OSBPL1A: variants seen among roughly 807,000 people sequenced by gnomAD.
OSBPL1A encodes oxysterol binding protein like 1A.
Under a neutral mutation model 137.1 loss-of-function variants are expected in OSBPL1A, and 80 were observed. The observed-to-expected ratio is 0.58, with a 90% CI of 0.49 to 0.70. The LOEUF is 0.70. Ranked by LOEUF, OSBPL1A falls within the 30% of genes least tolerant of loss-of-function variation. The pLI, the probability that OSBPL1A is intolerant of heterozygous loss-of-function variation, is 0.00. For missense variants in OSBPL1A, 970 were observed against 1,129.4 expected (o/e 0.86, Z 2.02); for synonymous variants, 365 against 389.7 (o/e 0.94, Z 0.75).
intron 26 of OSBPL1A, among the ~76,000 whole-genome samples, chr18:24,165,894 C>A (rs559347010): frequency 3.3e-5 from 5 of 152,170 alleles, no homozygotes; most frequent in African/African-American, 9.6e-5. Context: ...TCAGAAGGTC[C>A]AAGACCAACC....
chr18:24,211,360 T>G (rs559415180), intron 17 of OSBPL1A, among the ~76,000 whole-genome samples: 1 of 152,348 alleles, frequency 6.6e-6, no homozygotes, highest in East Asian at 1.9e-4. Flanking sequence ...ATCTTTTAAA[T>G]GTCAGGATTA....
At chr18:24,368,726 C>G (rs1021087133) in intron 2 of OSBPL1A, 15 of 193,960 alleles carry the variant, frequency 7.7e-5, no homozygotes, top group Admixed American at 3.7e-4. Flanking sequence ...ACATAGTTCA[C>G]GACAAGCAAC....
chr18:24,172,600 C>T (rs141909670), intron 21 of OSBPL1A, 117 bp from the exon 22 acceptor site: 24 of 609,946 alleles, frequency 3.9e-5, no homozygotes, highest in Non-Finnish European at 5.0e-5. Flanking sequence ...GAGATAACTA[C>T]GTTCTAAGCC....
chr18:24,281,252 A>G (rs2089951192), intron 14 of OSBPL1A, among the ~76,000 whole-genome samples: 1 of 151,752 alleles, frequency 6.6e-6, no homozygotes, highest in South Asian at 2.1e-4. Context: ...CGCCCAGCTA[A>G]TTTTTGTATT....
chr18:24,325,824 A>G (rs980758500), intron 7 of OSBPL1A, among the ~76,000 whole-genome samples: 1 of 152,210 alleles, frequency 6.6e-6, no homozygotes, highest in African/African-American at 2.4e-5. Context: ...CATTTATCAA[A>G]TCTCTACCTA....
chr18:24,293,980 G>C (rs1274931279), intron 14 of OSBPL1A, among the ~76,000 whole-genome samples: 2 of 152,118 alleles, frequency 1.3e-5, no homozygotes, highest in African/African-American at 4.8e-5. Flanking sequence ...TGGTAAGTTT[G>C]TTTACTCAAA....
At chr18:24,367,665 A>C (rs1259982913) in intron 3 of OSBPL1A, 1 of 150,748 alleles carries the variant, frequency 6.6e-6, no homozygotes, top group Non-Finnish European at 1.5e-5. Flanking sequence ...AAAAAAAAAA[A>C]TCCATACACC....
intron 7 of OSBPL1A, among the ~76,000 whole-genome samples, chr18:24,320,952 C>G (rs1295399194): frequency 6.7e-6 from 1 of 149,824 alleles, no homozygotes; most frequent in Non-Finnish European, 1.5e-5. Context: ...TCACTTGAAC[C>G]TGAGAGGCGG....
At chr18:24,175,119 T>TATATATAC (rs1567920162) in intron 21 of OSBPL1A, among the ~76,000 whole-genome samples, 3 of 128,504 alleles carry the variant, frequency 2.3e-5, no homozygotes, top group African/African-American at 1.0e-4. Context: ...TATATATATA[T>TATATATAC]ATATATATAT....
intron 7 of OSBPL1A, among the ~76,000 whole-genome samples, chr18:24,324,785 T>TAAAAAA (rs1426860005): frequency 1.1e-5 from 1 of 95,036 alleles, no homozygotes; most frequent in South Asian, 3.7e-4. Flanking sequence ...CTCTGTCTAT[T>TAAAAAA]AAAAAAAAAA....
At chr18:24,226,669 C>A (rs901918639) in intron 16 of OSBPL1A, among the ~76,000 whole-genome samples, 1 of 152,144 alleles carries the variant, frequency 6.6e-6, no homozygotes, top group Non-Finnish European at 1.5e-5. Flanking sequence ...CTTACTGTTA[C>A]CACATTAGGC....
intron 4 of OSBPL1A, among the ~76,000 whole-genome samples, chr18:24,351,431 A>G (rs1568045959): frequency 6.6e-6 from 1 of 151,674 alleles, no homozygotes; most frequent in South Asian, 2.1e-4. Context: ...ATATGATCAT[A>G]GTAAAAGACA....
At position 24,262,341 on chromosome 18, in the gene OSBPL1A, C is replaced by T. The variant is rs146561970; in HGVS notation, c.1281+18501G>A. Among the ~76,000 whole-genome samples, 12 of 152,184 alleles carry T rather than the reference C, an allele frequency of 7.9e-5. No individual in the cohort carries two copies. In the East Asian group the frequency reaches 2.3e-3, roughly 29 times the overall value. ...TCGACCTAAAAATAGCTTGCTCTTA[C>T]ATAATCACTAGCCACAGATTTGTAT... On this transcript the variant is annotated intron_variant, in intron 15 of 27. Coordinates refer to ENST00000319481, the MANE Select transcript of OSBPL1A (RefSeq NM_080597.4).
chr18:24,225,446 G>A (rs1486940282), intron 16 of OSBPL1A, among the ~76,000 whole-genome samples: 4 of 152,150 alleles, frequency 2.6e-5, no homozygotes, highest in African/African-American at 9.7e-5. Context: ...CATAGTAAAA[G>A]ACATCTCCAA....
intron 1 of OSBPL1A, among the ~76,000 whole-genome samples, chr18:24,387,401 C>G (rs1480386755): frequency 6.6e-6 from 1 of 151,906 alleles, no homozygotes; most frequent in East Asian, 1.9e-4. Flanking sequence ...GGCTCTAACA[C>G]CCAGGCACAA....
In OSBPL1A at chr18:24,173,643, C is replaced by T. The variant is rs544484120; in HGVS notation, c.2094-1160G>A. Among the ~76,000 whole-genome samples the T allele has an allele frequency of 1.6e-4, 25 of 152,322 alleles. No homozygotes were observed. The South Asian group carries it at 3.3e-3, about 20-fold the overall frequency. ...GGCCAGGCTGGTCTCGAACTCCTGA[C>T]CTCAGGTGATCCACCCGCCTTGGCC... On this transcript the variant is annotated intron_variant, in intron 21 of 27. Transcript: ENST00000319481.
intron 20 of OSBPL1A, 83 bp from the exon 21 acceptor site, chr18:24,178,278 T>C: frequency 8.1e-7 from 1 of 1,227,112 alleles, no homozygotes; most frequent in Non-Finnish European, 1.1e-6. Flanking sequence ...ATAATTGCCC[T>C]TTCAAAGTAA....
chr18:24,307,729 G>A (rs879043732), intron 13 of OSBPL1A, among the ~76,000 whole-genome samples: 7 of 152,146 alleles, frequency 4.6e-5, no homozygotes, highest in Non-Finnish European at 7.3e-5. Context: ...TTAGCTCCAC[G>A]TGGATGTACA....
At chr18:24,345,016 T>C (rs2091322448) in intron 4 of OSBPL1A, among the ~76,000 whole-genome samples, 1 of 151,874 alleles carries the variant, frequency 6.6e-6, no homozygotes, top group African/African-American at 2.4e-5. Context: ...GGTTTTGCCA[T>C]ATTGCCCAGG....
Sources: gnomAD v4.1 joint callset for allele counts (sites outside exome capture counted in the v4.1 genomes callset) on GRCh38, gnomAD v4.1.1 for gene constraint, MANE v1.5 for transcripts, NCBI Gene and HGNC (gene_info 2026-07-23, HGNC 2026-07-21) for gene names.